Variants in CACNA1D observed in about 807,000 individuals in gnomAD.
The protein encoded by CACNA1D is voltage-dependent L-type calcium channel subunit alpha-1D.
In CACNA1D, 55 loss-of-function variants were observed where a neutral mutation model predicts 257.1. That is an observed-to-expected ratio of 0.21 (90% confidence interval 0.17 to 0.27). The LOEUF is 0.27. CACNA1D is among the 10% of genes least tolerant of loss of function. CACNA1D has a pLI of 1.00. For synonymous variants in CACNA1D, 980 were observed against 1,014.9 expected, an observed-to-expected ratio of 0.97 and a Z score of 0.65; for missense variants, 1,876 against 2,784.0, an observed-to-expected ratio of 0.67 and a Z score of 7.34.
At chr3:53,506,584 A>G (rs1009286247) in intron 3 of CACNA1D, among the ~76,000 whole-genome samples, 3 of 152,242 alleles carry the variant, frequency 2.0e-5, no homozygotes, top group Non-Finnish European at 2.9e-5. Flanking sequence ...GAATAAATAA[A>G]TGAATGACCA....
chr3:53,531,906 T>C (rs1462832119), intron 3 of CACNA1D, among the ~76,000 whole-genome samples: 1 of 152,138 alleles, frequency 6.6e-6, no homozygotes, highest in Admixed American at 6.5e-5. Flanking sequence ...TTTGAGACAA[T>C]GTATGTTGCA....
At chr3:53,806,503 T>G (rs1266454668) in intron 45 of CACNA1D, among the ~76,000 whole-genome samples, 1 of 152,218 alleles carries the variant, frequency 6.6e-6, no homozygotes, top group Admixed American at 6.5e-5. Context: ...CCTGGCCCCT[T>G]CCAGCCCTTG....
At chr3:53,772,645 T>C (rs1425172150) in intron 32 of CACNA1D, among the ~76,000 whole-genome samples, 188 bp from the exon 33 acceptor site, 2 of 152,258 alleles carry the variant, frequency 1.3e-5, no homozygotes, top group Admixed American at 6.5e-5. Context: ...ATGTGGATGG[T>C]GTCTTCAGGA....
In CACNA1D at chr3:53,718,570, TC is replaced by T. The variant is rs2094845618; in HGVS notation, c.1478+186del. On this transcript the variant is annotated intron_variant, in intron 10 of 47. Coordinates refer to ENST00000350061, the MANE Select transcript of CACNA1D (RefSeq NM_001128840.3). Reference sequence around the variant, plus strand: ...GCCAGGGCTATCCCTCCTGCACACCTCCCCACCCCCCGCCCCCCCGCCCCCC... The same window carrying T: ...GCCAGGGCTATCCCTCCTGCACACCTCCCACCCCCCGCCCCCCCGCCCCCC... The T allele has an allele frequency of 8.4e-6, 6 of 717,900 alleles. No individual in the cohort carries two copies. In the Admixed American group the frequency reaches 1.2e-4, roughly 15 times the overall value. The allele number at this position is 717,900 out of a possible 1,614,324, so 44.5% of individuals were successfully genotyped here. A position where few individuals can be genotyped will look rare whatever the true frequency, so the allele number is the denominator to read the frequency against.
chr3:53,801,148 C>G lies in CACNA1D; in HGVS notation c.5131C>G (p.Leu1711Val). 6.2e-7 allele frequency: 1 copy of G among 1,614,032 alleles called. No homozygotes were observed. Among genetic ancestry groups the G allele is most frequent in the Non-Finnish European group, 8.5e-7 (1 of 1,179,914 alleles). ...LQQTNTTHRP[L>V]HVQRPSIPPA... ...GCAGACCAATACCACCCACCGTCCC[C>G]TGCATGTCCAAAGGCCTTCAATTCC... Residue 1711 changes from leucine (L) to valine (V), a missense_variant, in exon 42 of 48, where the codon CTG becomes GTG. Physicochemically the swap from Leu to Val is conservative, Grantham distance 32. Coordinates refer to ENST00000350061, the MANE Select transcript of CACNA1D (RefSeq NM_001128840.3).
At chr3:53,677,638 C>T (rs761825745) in intron 8 of CACNA1D, among the ~76,000 whole-genome samples, 5 of 152,202 alleles carry the variant, frequency 3.3e-5, no homozygotes, top group Non-Finnish European at 7.3e-5. Flanking sequence ...ACGTTGTACT[C>T]AATGTCACCC....
chr3:53,520,405 T>C (rs1016728680), intron 3 of CACNA1D, among the ~76,000 whole-genome samples: 2 of 152,244 alleles, frequency 1.3e-5, no homozygotes, highest in Non-Finnish European at 2.9e-5. Flanking sequence ...ATAGTGAGCA[T>C]CTTTTCATGT....
chr3:53,533,075 C>A (rs2092000222), intron 3 of CACNA1D, among the ~76,000 whole-genome samples: 1 of 152,216 alleles, frequency 6.6e-6, no homozygotes, highest in South Asian at 2.1e-4. Flanking sequence ...ATGTCTTAGC[C>A]ATGATCCCTC....
intron 3 of CACNA1D, among the ~76,000 whole-genome samples, chr3:53,624,526 A>G (rs963401553): frequency 6.6e-6 from 1 of 151,104 alleles, no homozygotes; most frequent in Non-Finnish European, 1.5e-5. Flanking sequence ...GGCCTTTACT[A>G]CCCCTCTCCC....
intron 3 of CACNA1D, among the ~76,000 whole-genome samples, chr3:53,584,688 G>T (rs1287776307): frequency 6.6e-6 from 1 of 152,184 alleles, no homozygotes; most frequent in Non-Finnish European, 1.5e-5. Context: ...TTCCTTGAAG[G>T]TCAAAGACTG....
chr3:53,554,558 A>G (rs1204375292), intron 3 of CACNA1D, among the ~76,000 whole-genome samples: 1 of 152,166 alleles, frequency 6.6e-6, no homozygotes, highest in East Asian at 1.9e-4. Flanking sequence ...TTGAACATGC[A>G]CTTAGATTTC....
At chr3:53,624,195 G>C (rs2093731003) in intron 3 of CACNA1D, among the ~76,000 whole-genome samples, 1 of 152,178 alleles carries the variant, frequency 6.6e-6, no homozygotes, top group African/African-American at 2.4e-5. Context: ...CCACTGTAGA[G>C]AATCACAGAG....
intron 26 of CACNA1D, among the ~76,000 whole-genome samples, chr3:53,748,767 C>G (rs559411864): frequency 6.6e-6 from 1 of 152,238 alleles, no homozygotes; most frequent in Admixed American, 6.5e-5. Flanking sequence ...AGTGTTGAAT[C>G]TGCATCAGAA....
chr3:53,515,545 A>G (rs554747657), intron 3 of CACNA1D, among the ~76,000 whole-genome samples: 2 of 152,286 alleles, frequency 1.3e-5, no homozygotes, highest in East Asian at 3.9e-4. Flanking sequence ...CTTGCCCAAG[A>G]GCAAACAGCA....
At chr3:53,728,072 C>G (rs1271035718) in intron 15 of CACNA1D, among the ~76,000 whole-genome samples, 1 of 152,092 alleles carries the variant, frequency 6.6e-6, no homozygotes, top group African/African-American at 2.4e-5. Flanking sequence ...CTGAGCTCCC[C>G]CTCAGATTTT....
intron 3 of CACNA1D, among the ~76,000 whole-genome samples, chr3:53,567,270 A>T (rs1168903936): frequency 2.6e-5 from 4 of 152,246 alleles, no homozygotes; most frequent in Admixed American, 6.5e-5. Context: ...GATGTCCAAC[A>T]TTACACTAAA....
intron 20 of CACNA1D, among the ~76,000 whole-genome samples, chr3:53,739,163 C>T (rs576628046): frequency 5.3e-5 from 8 of 152,234 alleles, no homozygotes; most frequent in African/African-American, 1.2e-4. Flanking sequence ...TGTGACTCTT[C>T]GCTGGCATAC....
chr3:53,534,242 A>C (rs1547951), intron 3 of CACNA1D, among the ~76,000 whole-genome samples: 57,030 of 151,952 alleles, frequency 0.38, 12,049 homozygotes, highest in African/African-American at 0.59. Context: ...GTGTGAGGGC[A>C]GGCCTCGCCT....
intron 3 of CACNA1D, among the ~76,000 whole-genome samples, chr3:53,502,249 A>G (rs2090636930): frequency 6.6e-6 from 1 of 152,150 alleles, no homozygotes; most frequent in African/African-American, 2.4e-5. Context: ...ATGATATAAT[A>G]TTAAAGTTTC....
Sources: gnomAD v4.1 joint callset for allele counts (sites outside exome capture counted in the v4.1 genomes callset) on GRCh38, gnomAD v4.1.1 for gene constraint, MANE v1.5 for transcripts, NCBI Gene and HGNC (gene_info 2026-07-23, HGNC 2026-07-21) for gene names.